The following SPIDR variants were observed in gnomAD, a reference collection of about 807,000 sequenced individuals.
The protein encoded by SPIDR is DNA repair-scaffolding protein.
Under a neutral mutation model 104.6 loss-of-function variants are expected in SPIDR, and 93 were observed. The ratio of observed to expected loss-of-function variants is 0.89; its 90% CI spans 0.75 to 1.06. The LOEUF (loss-of-function observed/expected upper bound fraction) is 1.06, where lower values mean the gene tolerates loss of function less well. SPIDR is among the 50% of genes least tolerant of loss of function. SPIDR has a pLI of 0.00. For missense variants in SPIDR, 1,154 were observed against 1,111.2 expected (o/e 1.04, Z -0.55); for synonymous variants, 431 against 416.9 (o/e 1.03, Z -0.41).
rs1296090510 is a variant in SPIDR, at chr8:47,735,324, T to A, written c.2622T>A (p.Ser874Arg). 1 of 1,613,784 alleles carries A rather than the reference T, an allele frequency of 6.2e-7. No individual in the cohort carries two copies. The change falls in exon 20 of 20, where the codon AGT becomes AGA. Residue 874 changes from serine to arginine, a missense_variant. Ser to Arg is a moderately radical substitution (Grantham distance 110). Transcript: ENST00000297423. ...CACTGCAGAGCTACGAAGTGAAGAGTGTCCTCGGAAAGGAAGTGGGGTTGT... is the reference window on the plus strand; with the variant it reads ...CACTGCAGAGCTACGAAGTGAAGAGAGTCCTCGGAAAGGAAGTGGGGTTGT... ...AGEDGSYEVKSVLGKEVGLLN... is the reference protein window; with the variant it reads ...AGEDGSYEVKRVLGKEVGLLN...
chr8:47,726,375 G>T (rs2084235888), intron 16 of SPIDR, among the ~76,000 whole-genome samples: 1 of 152,218 alleles, frequency 6.6e-6, no homozygotes, highest in Non-Finnish European at 1.5e-5. Flanking sequence ...TGGAAAGGAA[G>T]ACCTTTCTAT....
At chr8:47,583,349 A>G (rs1212150034) in intron 8 of SPIDR, among the ~76,000 whole-genome samples, 1 of 151,342 alleles carries the variant, frequency 6.6e-6, no homozygotes, top group Non-Finnish European at 1.5e-5. Flanking sequence ...CAACATCATG[A>G]TAATGTTCAT....
rs1049387284 is a variant in SPIDR at position 47,592,137 on chromosome 8, G to A, written c.1098-3674G>A. The A allele has an allele frequency of 2.1e-6, 3 of 1,403,674 alleles. No homozygotes were observed. In the African/African-American group the frequency reaches 4.3e-5, roughly 20 times the overall value. 87.0% of individuals were successfully genotyped at this position (1,403,674 alleles called of 1,614,324 possible). A position where few individuals can be genotyped will look rare whatever the true frequency, so the allele number is the denominator to read the frequency against. On this transcript the variant is annotated intron_variant, in intron 8 of 19. Coordinates refer to ENST00000297423, the MANE Select transcript of SPIDR (RefSeq NM_001080394.4). Reference sequence around the variant, plus strand: ...AGAAGTGATGCACACTTGATGATCGGATCAATTTAAATATTATTCATGGCA... The same window carrying A: ...AGAAGTGATGCACACTTGATGATCGAATCAATTTAAATATTATTCATGGCA...
At chr8:47,562,604 C>T (rs2154401890) in intron 8 of SPIDR, among the ~76,000 whole-genome samples, 2 of 152,342 alleles carry the variant, frequency 1.3e-5, no homozygotes, top group East Asian at 3.9e-4. Flanking sequence ...ACTGCCTTTG[C>T]TGACGCTGTT....
chr8:47,678,624 T>C (rs2076728326), intron 11 of SPIDR, among the ~76,000 whole-genome samples: 1 of 151,902 alleles, frequency 6.6e-6, no homozygotes. Context: ...TGGGGTAAGA[T>C]GTAGGAGCTC....
intron 5 of SPIDR, among the ~76,000 whole-genome samples, chr8:47,300,834 C>A (rs1739831991): frequency 6.6e-6 from 1 of 152,100 alleles, no homozygotes; most frequent in South Asian, 2.1e-4. Context: ...AATTTCTGTT[C>A]TTTTACATAT....
intron 1 of SPIDR, among the ~76,000 whole-genome samples, chr8:47,271,633 T>C: frequency 6.6e-6 from 1 of 152,200 alleles, no homozygotes; most frequent in East Asian, 1.9e-4. Flanking sequence ...TTTCTTCACT[T>C]TTTGGATATA....
intron 8 of SPIDR, among the ~76,000 whole-genome samples, chr8:47,572,273 C>G (rs1362126980): frequency 2.6e-5 from 4 of 152,136 alleles, no homozygotes; most frequent in Non-Finnish European, 5.9e-5. Context: ...AGTTTACAAT[C>G]TTAACATACA....
intron 10 of SPIDR, among the ~76,000 whole-genome samples, chr8:47,669,318 G>A (rs183021922): frequency 3.9e-5 from 6 of 152,310 alleles, no homozygotes; most frequent in East Asian, 1.9e-4. Flanking sequence ...GGAATTCAGC[G>A]CAGGCTGCTG....
Position 47,607,517 on chromosome 8 carries a change from C to A in SPIDR, c.1544+8321C>A, listed in dbSNP as rs79642084. ...AGATCATGGATGTGATGATTAGGGG[C>A]CTTAGCCTTTGTGTGTGTTTGGACA... On this transcript the variant is annotated intron_variant, in intron 10 of 19. Transcript: ENST00000297423. Among the ~76,000 whole-genome samples, 163 of 152,056 alleles carry A rather than the reference C, an allele frequency of 1.1e-3. 1 individual carries two copies. In the East Asian group the frequency reaches 0.03, roughly 28 times the overall value.
At chr8:47,713,386 C>A in intron 15 of SPIDR, 103 bp from the exon 16 acceptor site, 1 of 1,520,844 alleles carries the variant, frequency 6.6e-7, no homozygotes, top group South Asian at 1.2e-5. Context: ...CATAACTGCA[C>A]CTTCACCTGC....
chr8:47,304,193 A>G (rs1484802986), intron 5 of SPIDR, among the ~76,000 whole-genome samples: 1 of 152,172 alleles, frequency 6.6e-6, no homozygotes, highest in Non-Finnish European at 1.5e-5. Context: ...GGACTAATAT[A>G]GTTTGAGTCT....
Position 47,466,914 on chromosome 8 carries a change from TAGATAGATAGATAG to T in SPIDR, c.1097+26374_1097+26387del, listed in dbSNP as rs1183624480. Among the ~76,000 whole-genome samples the T allele has an allele frequency of 1.5e-4, 18 of 116,254 alleles. 1 individual carries two copies. Among genetic ancestry groups the T allele is most frequent in the East Asian group, 4.6e-4 (2 of 4,382 alleles). 76.3% of individuals were successfully genotyped at this position (116,254 alleles called of 152,430 possible). A position where few individuals can be genotyped will look rare whatever the true frequency, so the allele number is the denominator to read the frequency against. ...AAAAAAAAAAAAATATATATATATA[TAGATAGATAGATAG>T]ATAGATAGATAGATAGATAGATATA... is the stretch of plus-strand genomic sequence containing the variant. On this transcript the variant is annotated intron_variant, in intron 8 of 19. Coordinates refer to ENST00000297423, the MANE Select transcript of SPIDR (RefSeq NM_001080394.4).
intron 8 of SPIDR, among the ~76,000 whole-genome samples, chr8:47,464,259 A>G (rs571230713): frequency 6.6e-6 from 1 of 152,330 alleles, no homozygotes; most frequent in East Asian, 1.9e-4. Flanking sequence ...AATGAATTTA[A>G]GTAAACAGTA....
At chr8:47,425,735 A>G (rs576242294) in intron 7 of SPIDR, among the ~76,000 whole-genome samples, 11 of 152,346 alleles carry the variant, frequency 7.2e-5, no homozygotes, top group African/African-American at 2.6e-4. Flanking sequence ...TTTATTTAGT[A>G]TACATTATAT....
At chr8:47,351,159 C>A (rs1444063432) in intron 5 of SPIDR, among the ~76,000 whole-genome samples, 2 of 152,298 alleles carry the variant, frequency 1.3e-5, no homozygotes, top group East Asian at 1.9e-4. Context: ...CATGTTGTTA[C>A]AATCGTTCTA....
intron 10 of SPIDR, among the ~76,000 whole-genome samples, chr8:47,634,554 C>T (rs1279469498): frequency 1.3e-5 from 2 of 152,144 alleles, no homozygotes; most frequent in Non-Finnish European, 2.9e-5. Flanking sequence ...AGCGGAAAAC[C>T]TCCACTCTAT....
At chr8:47,401,121 G>A (rs781789765) in intron 6 of SPIDR, among the ~76,000 whole-genome samples, 1 of 152,148 alleles carries the variant, frequency 6.6e-6, no homozygotes, top group Non-Finnish European at 1.5e-5. Context: ...AAGCCCATCA[G>A]ACTAACAGAG....
At chr8:47,678,726 G>A (rs2076743120) in intron 11 of SPIDR, among the ~76,000 whole-genome samples, 1 of 152,200 alleles carries the variant, frequency 6.6e-6, no homozygotes, top group African/African-American at 2.4e-5. Context: ...CCTGGGGAGT[G>A]AGGCAAGGCG....
Sources: allele counts gnomAD v4.1 joint callset (sites outside exome capture counted in the v4.1 genomes callset), GRCh38; gene constraint gnomAD v4.1.1; transcripts MANE v1.5; gene names NCBI Gene and HGNC (gene_info 2026-07-23, HGNC 2026-07-21).